Variants in RCAN2 observed in about 807,000 individuals in gnomAD.
RCAN2 encodes the protein regulator of calcineurin 2.
A neutral mutation model predicts 23.6 loss-of-function variants in RCAN2; 9 were observed. The ratio of observed to expected loss-of-function variants is 0.38; its 90% CI spans 0.23 to 0.67. The LOEUF (loss-of-function observed/expected upper bound fraction) is 0.67, where lower values mean the gene tolerates loss of function less well. Ranked by LOEUF, RCAN2 falls within the 30% of genes least tolerant of loss-of-function variation. The pLI is 0.51. For synonymous variants in RCAN2, 109 were observed against 115.7 expected, an observed-to-expected ratio of 0.94 and a Z score of 0.37; for missense variants, 273 against 302.3, an observed-to-expected ratio of 0.90 and a Z score of 0.72.
intron 1 of RCAN2, among the ~76,000 whole-genome samples, chr6:46,458,610 C>T (rs1367599789): frequency 6.6e-6 from 1 of 151,968 alleles, no homozygotes; most frequent in Non-Finnish European, 1.5e-5. Flanking sequence ...AAATATGGTA[C>T]ATGTTTTATT....
Position 46,292,944 on chromosome 6 carries a change from A to G in RCAN2, c.226-44048T>C, listed in dbSNP as rs971304585. 6.6e-5 allele frequency among the ~76,000 whole-genome samples: 10 copies of G among 151,594 alleles called. No homozygotes were observed. The East Asian group carries it at 1.8e-3, about 27-fold the overall frequency. ...TGTGTCCATGTGTTCTCATTGTTCA[A>G]CTCCCACTTATGAGTGAGAACATGC... On this transcript the variant is annotated intron_variant, in intron 2 of 4. Coordinates refer to ENST00000371374, the MANE Select transcript of RCAN2 (RefSeq NM_001251974.2).
intron 2 of RCAN2, among the ~76,000 whole-genome samples, chr6:46,320,961 T>C (rs533842361): frequency 1.3e-5 from 2 of 152,154 alleles, no homozygotes; most frequent in South Asian, 4.2e-4. Flanking sequence ...GAATGAATGA[T>C]TGAAACAGGT....
chr6:46,393,271 G>A (rs941290631), intron 2 of RCAN2, among the ~76,000 whole-genome samples: 2 of 152,096 alleles, frequency 1.3e-5, no homozygotes, highest in African/African-American at 4.8e-5. Context: ...TTAAAGCTGA[G>A]GCTAAAACTA....
At chr6:46,241,255 T>C (rs1034298039) in intron 4 of RCAN2, among the ~76,000 whole-genome samples, 1 of 152,250 alleles carries the variant, frequency 6.6e-6, no homozygotes, top group African/African-American at 2.4e-5. Flanking sequence ...CCTGGCACTG[T>C]ACTGCTTCTG....
intron 1 of RCAN2, among the ~76,000 whole-genome samples, chr6:46,483,071 C>T (rs1768904226): frequency 6.6e-6 from 1 of 152,172 alleles, no homozygotes; most frequent in African/African-American, 2.4e-5. Flanking sequence ...AACCGCTCAC[C>T]TAGATTTCCC....
At position 46,389,982 on chromosome 6, in the gene RCAN2, CAA is replaced by C. The variant is rs1765883473; in HGVS notation, c.225+66768_225+66769del. Among the ~76,000 whole-genome samples the C allele has an allele frequency of 2.5e-5, 3 of 118,826 alleles. No homozygotes were observed. In the South Asian group the frequency reaches 7.5e-4, roughly 30 times the overall value. 78.0% of individuals were successfully genotyped at this position (118,826 alleles called of 152,430 possible). On this transcript the variant is annotated intron_variant, in intron 2 of 4. Transcript: ENST00000371374. Reference sequence around the variant, plus strand: ...CCTTTACCAAATGAAATGACAAAAACAAAGAAAAATGAACATATAGCATTATT... The same window carrying C: ...CCTTTACCAAATGAAATGACAAAAACAGAAAAATGAACATATAGCATTATT...
At chr6:46,453,436 C>A (rs1767936055) in intron 2 of RCAN2, among the ~76,000 whole-genome samples, 1 of 152,196 alleles carries the variant, frequency 6.6e-6, no homozygotes, top group Non-Finnish European at 1.5e-5. Flanking sequence ...AATCAAAATA[C>A]AATCTCACGG....
chr6:46,247,997 GC>G (rs1412693831), intron 3 of RCAN2, among the ~76,000 whole-genome samples: 1 of 152,182 alleles, frequency 6.6e-6, no homozygotes, highest in Non-Finnish European at 1.5e-5. Flanking sequence ...TGGATGCAGG[GC>G]CAATGTCTGT....
chr6:46,403,212 A>G (rs1582173542), intron 2 of RCAN2, among the ~76,000 whole-genome samples: 1 of 151,832 alleles, frequency 6.6e-6, no homozygotes, highest in African/African-American at 2.4e-5. Context: ...TGATCCGCCC[A>G]CCTCAGCCTC....
intron 2 of RCAN2, among the ~76,000 whole-genome samples, chr6:46,255,799 G>C (rs1024600153): frequency 6.6e-6 from 1 of 152,142 alleles, no homozygotes; most frequent in African/African-American, 2.4e-5. Flanking sequence ...CAACTGGAGG[G>C]CAGGGGCTTC....
At chr6:46,324,611 G>A (rs1461502481) in intron 2 of RCAN2, among the ~76,000 whole-genome samples, 1 of 152,078 alleles carries the variant, frequency 6.6e-6, no homozygotes, top group Non-Finnish European at 1.5e-5. Context: ...AAATATGAGA[G>A]AAAAAATAAA....
At chr6:46,346,190 T>C (rs1473020397) in intron 2 of RCAN2, among the ~76,000 whole-genome samples, 1 of 152,156 alleles carries the variant, frequency 6.6e-6, no homozygotes, top group Non-Finnish European at 1.5e-5. Context: ...AATCAAATTA[T>C]AATGAAACAA....
chr6:46,491,635 T>C (rs1769158130), upstream of RCAN2, among the ~76,000 whole-genome samples: 1 of 151,582 alleles, frequency 6.6e-6, no homozygotes, highest in South Asian at 2.1e-4. Context: ...CCTCCGGGGC[T>C]CTCACCCTGC....
chr6:46,451,474 A>C (rs1460079123), intron 2 of RCAN2, among the ~76,000 whole-genome samples: 2 of 152,188 alleles, frequency 1.3e-5, no homozygotes, highest in Non-Finnish European at 2.9e-5. Context: ...AAAAAGTCTC[A>C]GTTTTCAGAT....
At chr6:46,300,315 A>G (rs1762865837) in intron 2 of RCAN2, among the ~76,000 whole-genome samples, 1 of 152,020 alleles carries the variant, frequency 6.6e-6, no homozygotes, top group African/African-American at 2.4e-5. Context: ...CTCTACAAGA[A>G]AATTCATTTT....
intron 2 of RCAN2, among the ~76,000 whole-genome samples, chr6:46,307,079 C>T (rs1254507403): frequency 6.6e-6 from 1 of 152,134 alleles, no homozygotes; most frequent in African/African-American, 2.4e-5. Flanking sequence ...CCATGCAGAA[C>T]TAGCTTGTGT....
intron 2 of RCAN2, among the ~76,000 whole-genome samples, chr6:46,414,224 C>T (rs1766634129): frequency 6.6e-6 from 1 of 152,128 alleles, no homozygotes; most frequent in Non-Finnish European, 1.5e-5. Flanking sequence ...ATGCAGATAT[C>T]ATGAATTATA....
chr6:46,386,545 T>A (rs776557017), intron 2 of RCAN2, among the ~76,000 whole-genome samples: 4 of 146,922 alleles, frequency 2.7e-5, no homozygotes, highest in Admixed American at 6.8e-5. Context: ...GAGGTGGAGG[T>A]TGCAGTGAGC....
chr6:46,321,328 C>T (rs549880559), intron 2 of RCAN2, among the ~76,000 whole-genome samples: 9 of 152,310 alleles, frequency 5.9e-5, no homozygotes, highest in South Asian at 4.1e-4. Flanking sequence ...AGAATATATG[C>T]TCCGTGAGGG....
Sources: gnomAD v4.1 joint callset for allele counts (sites outside exome capture counted in the v4.1 genomes callset) on GRCh38, gnomAD v4.1.1 for gene constraint, MANE v1.5 for transcripts, NCBI Gene and HGNC (gene_info 2026-07-23, HGNC 2026-07-21) for gene names.